Variants in CTNNA2 observed in about 807,000 individuals in gnomAD.
CTNNA2 encodes the protein catenin alpha 2.
In CTNNA2, 42 loss-of-function variants were observed where a neutral mutation model predicts 101.0. The observed-to-expected ratio is 0.42, with a 90% CI of 0.32 to 0.54. CTNNA2 has a LOEUF of 0.54. CTNNA2 is among the 20% of genes least tolerant of loss of function. The pLI is 0.14. For synonymous variants in CTNNA2, 450 were observed against 456.4 expected (o/e 0.99, Z 0.18); for missense variants, 871 against 1,223.1 (o/e 0.71, Z 4.29).
At position 80,293,085 on chromosome 2, in the gene CTNNA2, A is replaced by G. The variant is rs1333109994; in HGVS notation, c.1057-100126A>G. Reference sequence around the variant, plus strand: ...CACAGTCTCAGTTTCAGGGAAATATAGATTTCACCATAAATGCAATCACTA... The same window carrying G: ...CACAGTCTCAGTTTCAGGGAAATATGGATTTCACCATAAATGCAATCACTA... On this transcript the variant is annotated intron_variant, in intron 7 of 18. Transcript: ENST00000402739. 3.3e-5 allele frequency among the ~76,000 whole-genome samples: 5 copies of G among 152,360 alleles called. No homozygotes were observed. The East Asian group carries it at 5.8e-4, about 18-fold the overall frequency.
At chr2:79,454,177 GA>G (rs1411166324) in intron 4 of CTNNA2, among the ~76,000 whole-genome samples, 1 of 151,944 alleles carries the variant, frequency 6.6e-6, no homozygotes, top group African/African-American at 2.4e-5. Context: ...TAACTCCTAG[GA>G]TATGGTGATT....
chr2:80,474,014 A>T (rs1315356766), intron 9 of CTNNA2, among the ~76,000 whole-genome samples: 1 of 152,212 alleles, frequency 6.6e-6, no homozygotes, highest in Non-Finnish European at 1.5e-5. Flanking sequence ...ATGCAGGCAC[A>T]GCTGCCCCTT....
At chr2:80,080,864 A>G (rs1463736560) in intron 7 of CTNNA2, among the ~76,000 whole-genome samples, 8 of 151,368 alleles carry the variant, frequency 5.3e-5, no homozygotes, top group Admixed American at 5.3e-4. Context: ...TATAATTAAA[A>G]TCTCCAAAAT....
At chr2:80,396,183 C>T (rs537271438) in intron 8 of CTNNA2, among the ~76,000 whole-genome samples, 2 of 152,230 alleles carry the variant, frequency 1.3e-5, no homozygotes, top group Admixed American at 6.5e-5. Context: ...TCTCTTGAGG[C>T]AACATATCCC....
At chr2:79,318,122 C>G (rs1051867833) in intron 3 of CTNNA2, among the ~76,000 whole-genome samples, 1 of 151,806 alleles carries the variant, frequency 6.6e-6, no homozygotes, top group Non-Finnish European at 1.5e-5. Flanking sequence ...AAAATTCTAC[C>G]AAATATAAAT....
In CTNNA2 at chr2:79,490,578, T is replaced by C. The variant is rs1367103587; in HGVS notation, c.-134-14476T>C. On this transcript the variant is annotated intron_variant, in intron 4 of 21. Coordinates refer to the CTNNA2 transcript ENST00000466387. ...ACATGACCGTCCATCTTTTAGACCA[T>C]TAAATAATGAAGAATCTATTGTTTC... Among the ~76,000 whole-genome samples, 10 of 152,264 alleles carry C rather than the reference T, an allele frequency of 6.6e-5. 1 individual carries two copies. The East Asian group carries it at 1.9e-3, about 29-fold the overall frequency.
intron 2 of CTNNA2, among the ~76,000 whole-genome samples, chr2:79,696,056 C>A (rs1684634310): frequency 6.6e-6 from 1 of 151,850 alleles, no homozygotes; most frequent in African/African-American, 2.4e-5. Context: ...GACTTAGAGC[C>A]AAAAGACTTA....
chr2:79,383,141 A>C (rs1442609284), intron 4 of CTNNA2, among the ~76,000 whole-genome samples: 2 of 152,256 alleles, frequency 1.3e-5, no homozygotes, highest in East Asian at 3.8e-4. Flanking sequence ...ATCTAAAGGA[A>C]GACAGAGGTC....
intron 1 of CTNNA2, among the ~76,000 whole-genome samples, chr2:79,613,589 A>G (rs1005000732): frequency 4.6e-5 from 7 of 152,212 alleles, no homozygotes; most frequent in Non-Finnish European, 7.3e-5. Context: ...ACGAAATGAT[A>G]GAGAAGGATA....
chr2:80,192,028 G>T (rs981089375), intron 7 of CTNNA2, among the ~76,000 whole-genome samples: 17 of 152,152 alleles, frequency 1.1e-4, no homozygotes, highest in Non-Finnish European at 2.1e-4. Context: ...AATTCAAACT[G>T]ATTAGTGAAT....
chr2:79,731,611 A>T (rs954175873), intron 2 of CTNNA2, among the ~76,000 whole-genome samples: 2 of 152,074 alleles, frequency 1.3e-5, no homozygotes, highest in Non-Finnish European at 2.9e-5. Context: ...ATACATTGAG[A>T]TGCGTGTGAG....
chr2:79,434,341 G>A (rs536846052), intron 4 of CTNNA2, among the ~76,000 whole-genome samples: 2 of 150,956 alleles, frequency 1.3e-5, no homozygotes, highest in African/African-American at 4.9e-5. Flanking sequence ...AAAAATAAGA[G>A]AGGCTTAATA....
chr2:80,628,396 G>GT, intron 18 of CTNNA2, among the ~76,000 whole-genome samples: 1 of 151,916 alleles, frequency 6.6e-6, no homozygotes, highest in African/African-American at 2.4e-5. Context: ...AAACAGCATG[G>GT]TACTGGTACC....
chr2:80,201,042 A>G (rs1271210426), intron 7 of CTNNA2, among the ~76,000 whole-genome samples: 1 of 152,178 alleles, frequency 6.6e-6, no homozygotes, highest in South Asian at 2.1e-4. Context: ...AAAATGGCAT[A>G]GTATTTACAC....
chr2:79,752,901 A>G (rs1468021263), intron 3 of CTNNA2, among the ~76,000 whole-genome samples: 1 of 152,226 alleles, frequency 6.6e-6, no homozygotes, highest in Non-Finnish European at 1.5e-5. Context: ...TCAGGGTTGC[A>G]TGAAGTGATG....
intron 3 of CTNNA2, among the ~76,000 whole-genome samples, chr2:79,848,595 A>G (rs1167612246): frequency 1.3e-5 from 2 of 152,192 alleles, no homozygotes; most frequent in South Asian, 2.1e-4. Context: ...CATACGGTTA[A>G]TGATCTGTGC....
rs772642908 is a variant in CTNNA2 at position 79,187,235 on chromosome 2, T to TTTTTCTTTTC, written c.-524+1834_-524+1843dup. 6.0e-4 allele frequency among the ~76,000 whole-genome samples: 74 copies of TTTTTCTTTTC among 123,398 alleles called. 1 individual carries two copies. Among genetic ancestry groups the TTTTTCTTTTC allele is most frequent in the East Asian group, 3.9e-3 (16 of 4,084 alleles). The allele number at this position is 123,398 out of a possible 152,430, so 81.0% of individuals were successfully genotyped here. On this transcript the variant is annotated intron_variant, in intron 1 of 21. Transcript: ENST00000466387. The stretch of plus-strand genomic sequence containing the variant: ...TATGCTTTTTATTCTAAGACACTTC[T>TTTTTCTTTTC]TTTTCTTTTCTTTTCTTTTCTTTTC...
chr2:79,635,838 A>G (rs748631574), intron 1 of CTNNA2, among the ~76,000 whole-genome samples: 9 of 152,012 alleles, frequency 5.9e-5, no homozygotes, highest in Non-Finnish European at 7.4e-5. Context: ...ACATATGACC[A>G]TAGGAGTTGG....
At chr2:80,615,957 CCTAATT>C (rs1437684611) in intron 17 of CTNNA2, among the ~76,000 whole-genome samples, 19 of 151,748 alleles carry the variant, frequency 1.3e-4, no homozygotes, top group Admixed American at 1.1e-3. Context: ...AATACTTCAT[CCTAATT>C]CTATTTTCTT....
Sources: gnomAD v4.1 joint callset for allele counts (sites outside exome capture counted in the v4.1 genomes callset) on GRCh38, gnomAD v4.1.1 for gene constraint, MANE v1.5 for transcripts, NCBI Gene and HGNC (gene_info 2026-07-23, HGNC 2026-07-21) for gene names.